PRKAA2: variants seen among roughly 807,000 people sequenced by gnomAD.
PRKAA2 encodes the protein protein kinase AMP-activated catalytic subunit alpha 2.
PRKAA2 carries 40 observed loss-of-function variants against 56.3 expected under a neutral mutation model. The ratio of observed to expected loss-of-function variants is 0.71; its 90% CI spans 0.55 to 0.92. The LOEUF is 0.92. PRKAA2 is among the 40% of genes least tolerant of loss of function. The pLI is 0.00. For synonymous variants in PRKAA2, 214 were observed against 234.2 expected (o/e 0.91, Z 0.79); for missense variants, 542 against 686.9 (o/e 0.79, Z 2.36).
At position 56,711,091 on chromosome 1, in the gene PRKAA2, A is replaced by G. The variant is rs374654656; in HGVS notation, c.*3378A>G. On this transcript the variant is annotated 3_prime_UTR_variant, in exon 9 of 9. Transcript: ENST00000371244. ...TTACATTCCTTTATACTAGCTATCTATAAAGAGAATCCAGAAGGCTAAATT... is the reference window on the plus strand; with the variant it reads ...TTACATTCCTTTATACTAGCTATCTGTAAAGAGAATCCAGAAGGCTAAATT... 1.8e-4 allele frequency: 27 copies of G among 152,260 alleles called. No individual in the cohort carries two copies. In the East Asian group the frequency reaches 3.7e-3, roughly 21 times the overall value. The allele number at this position is 152,260 out of a possible 1,614,324, so 9.4% of individuals were successfully genotyped here.
chr1:56,704,248 G>T lies in PRKAA2; in HGVS notation c.1066G>T (p.Ala356Ser), dbSNP rs141573879. The T allele has an allele frequency of 3.2e-4, 510 of 1,614,072 alleles. No homozygotes were observed. The highest frequency in any genetic ancestry group is 4.1e-4 in the Non-Finnish European group (478 of 1,179,996). The change falls in exon 7 of 9, where the codon GCC (alanine) becomes TCC (serine). Residue 356 changes from alanine to serine, a missense_variant. By Grantham distance (99) the Ala-to-Ser change is moderately conservative. Transcript: ENST00000371244. ...PPSGSFMDDSAMHIPPGLKPH... is the reference protein window; with the variant it reads ...PPSGSFMDDSSMHIPPGLKPH... The stretch of plus-strand genomic sequence containing the variant: ...ATCTGGTTCTTTTATGGATGATAGT[G>T]CCATGCATATTCCCCCAGGCCTGAA...
At position 56,712,858 on chromosome 1, in the gene PRKAA2, AC is replaced by A. The variant is rs977964005; in HGVS notation, c.*5146del. ...CAGCACAAGACTGTCTCAAAAAAAA[AC>A]AAAAAAAGGAAAAAGAAAACTAGCC... On this transcript the variant is annotated 3_prime_UTR_variant, in exon 9 of 9. Coordinates refer to ENST00000371244, the MANE Select transcript of PRKAA2 (RefSeq NM_006252.4). 2.6e-5 allele frequency: 4 copies of A among 152,066 alleles called. No homozygotes were observed. The highest frequency in any genetic ancestry group is 9.7e-5 in the African/African-American group (4 of 41,404). The allele number at this position is 152,066 out of a possible 1,614,324, so 9.4% of individuals were successfully genotyped here.
At chr1:56,676,824 G>C (rs1267738088) in intron 2 of PRKAA2, among the ~76,000 whole-genome samples, 3 of 152,152 alleles carry the variant, frequency 2.0e-5, no homozygotes, top group Non-Finnish European at 4.4e-5. Context: ...TTCAGAGCAG[G>C]CTTTTATGGG....
Position 56,704,070 on chromosome 1 carries a change from G to T in PRKAA2, c.888G>T (p.Val296=). 1.9e-6 allele frequency: 3 copies of T among 1,614,174 alleles called. No homozygotes were observed. The highest frequency in any genetic ancestry group is 2.5e-6 in the Non-Finnish European group (3 of 1,180,020). The change falls in exon 7 of 9, where the codon GTG becomes GTT. Residue 296 remains valine (V), a synonymous_variant. Coordinates refer to ENST00000371244, the MANE Select transcript of PRKAA2 (RefSeq NM_006252.4). ...NVIDDEAVKE[V]CEKFECTESE... ...TTGATGATGAGGCTGTGAAAGAAGT[G>T]TGTGAAAAATTTGAATGTACAGAAT...
In PRKAA2 at chr1:56,693,832, AC is replaced by A; in HGVS notation, c.545del (p.Pro182LeufsTer64). 1 of 1,594,810 alleles carries A rather than the reference AC, an allele frequency of 6.3e-7. No individual in the cohort carries two copies. Among genetic ancestry groups the A allele is most frequent in the Non-Finnish European group, 8.6e-7 (1 of 1,166,606 alleles). On this transcript the variant is annotated frameshift_variant, in exon 5 of 9. Coordinates refer to ENST00000371244, the MANE Select transcript of PRKAA2 (RefSeq NM_006252.4). LOFTEE classifies it high-confidence loss of function. Reference protein sequence around the residue: ...TSCGSPNYAAPEVISGRLYAG... With the variant: ...TSCGSPNYAAXEVISGRLYAG... The stretch of plus-strand genomic sequence containing the variant: ...GTTGCGGATCTCCAAATTATGCAGC[AC>A]CTGAAGTCATCTCAGGCAGGTAATA...
rs555654986 is a variant in PRKAA2 at position 56,658,864 on chromosome 1, G to A, written c.94+13383G>A. ...AAGCAATTCTTGTACCTCAGCCTCT[G>A]CAGTAGCTGGGACTCCAGGTATGCT... On this transcript the variant is annotated intron_variant, in intron 1 of 8. Coordinates refer to ENST00000371244, the MANE Select transcript of PRKAA2 (RefSeq NM_006252.4). Among the ~76,000 whole-genome samples, 173 of 151,882 alleles carry A rather than the reference G, an allele frequency of 1.1e-3. 1 individual carries two copies. In the Middle Eastern group the frequency reaches 0.014, roughly 12 times the overall value.
In PRKAA2 at chr1:56,712,154, A is replaced by G. The variant is rs1644372791; in HGVS notation, c.*4441A>G. ...GGTAACCAGAGAAAGCATTTTTGCC[A>G]TTTCCAGATGAGGAAGCAGGACCAG... On this transcript the variant is annotated 3_prime_UTR_variant, in exon 9 of 9. Coordinates refer to ENST00000371244, the MANE Select transcript of PRKAA2 (RefSeq NM_006252.4). 6.6e-6 allele frequency: 1 copy of G among 152,182 alleles called. No individual in the cohort carries two copies. The highest frequency in any genetic ancestry group is 2.1e-4 in the South Asian group (1 of 4,824). The allele number at this position is 152,182 out of a possible 1,614,324, so 9.4% of individuals were successfully genotyped here.
chr1:56,660,065 A>G (rs1038311610), intron 1 of PRKAA2, among the ~76,000 whole-genome samples: 7 of 152,194 alleles, frequency 4.6e-5, no homozygotes, highest in African/African-American at 1.4e-4. Flanking sequence ...TTCTTCATGT[A>G]TCATCATTAC....
At chr1:56,662,475 G>A (rs1475592583) in intron 1 of PRKAA2, among the ~76,000 whole-genome samples, 1 of 151,950 alleles carries the variant, frequency 6.6e-6, no homozygotes, top group Non-Finnish European at 1.5e-5. Context: ...TACAGACGAG[G>A]TCTCACTATG....
At chr1:56,664,895 T>C (rs375768391) in intron 1 of PRKAA2, among the ~76,000 whole-genome samples, 11 of 104,830 alleles carry the variant, frequency 1.0e-4, no homozygotes, top group East Asian at 8.4e-4. Context: ...CACACACATA[T>C]ATACATACAT....
At position 56,711,308 on chromosome 1, in the gene PRKAA2, A is replaced by C. The variant is rs980952051; in HGVS notation, c.*3595A>C. The stretch of plus-strand genomic sequence containing the variant: ...TTAAATGAGACATAGTTTAGAAAAA[A>C]TCATAAGCAACTATTGTAGATTTTT... On this transcript the variant is annotated 3_prime_UTR_variant, in exon 9 of 9. Transcript: ENST00000371244. 6.6e-6 allele frequency: 1 copy of C among 152,122 alleles called. No homozygotes were observed. The highest frequency in any genetic ancestry group is 2.4e-5 in the African/African-American group (1 of 41,444). The allele number at this position is 152,122 out of a possible 1,614,324, so 9.4% of individuals were successfully genotyped here.
chr1:56,703,831 G>A, intron 6 of PRKAA2, 140 bp from the exon 7 acceptor site: 1 of 913,860 alleles, frequency 1.1e-6, no homozygotes, highest in Non-Finnish European at 1.6e-6. Flanking sequence ...AACTTGCTCA[G>A]GATCACATAG....
chr1:56,678,964 G>A (rs891145400), intron 2 of PRKAA2, among the ~76,000 whole-genome samples: 1 of 152,144 alleles, frequency 6.6e-6, no homozygotes, highest in African/African-American at 2.4e-5. Context: ...AAAGTGCTGG[G>A]ATTACGGGCG....
chr1:56,695,558 C>A (rs1475730614), intron 5 of PRKAA2, among the ~76,000 whole-genome samples: 1 of 152,004 alleles, frequency 6.6e-6, no homozygotes, highest in Non-Finnish European at 1.5e-5. Flanking sequence ...TATATGTTTT[C>A]TTTCTTGTAA....
Position 56,709,377 on chromosome 1 carries a change from A to G in PRKAA2, c.*1664A>G, listed in dbSNP as rs778614668. Reference sequence around the variant, plus strand: ...TGATGTTAAATAACTTATAAGTCCAACTTCTTAATATCAAGATAAATGAAT... The same window carrying G: ...TGATGTTAAATAACTTATAAGTCCAGCTTCTTAATATCAAGATAAATGAAT... On this transcript the variant is annotated 3_prime_UTR_variant, in exon 9 of 9. Transcript: ENST00000371244. 44 of 152,206 alleles carry G rather than the reference A, an allele frequency of 2.9e-4. No homozygotes were observed. The highest frequency in any genetic ancestry group is 5.1e-4 in the Non-Finnish European group (35 of 68,024). 9.4% of individuals were successfully genotyped at this position (152,206 alleles called of 1,614,324 possible).
chr1:56,654,252 T>C (rs550395826), intron 1 of PRKAA2, among the ~76,000 whole-genome samples: 11 of 152,164 alleles, frequency 7.2e-5, no homozygotes, highest in Admixed American at 2.0e-4. Context: ...TTGCTTCTTT[T>C]TGTAAAAACA....
rs1644364870 is a variant in PRKAA2, at chr1:56,710,830, C to T, written c.*3117C>T. On this transcript the variant is annotated 3_prime_UTR_variant, in exon 9 of 9. Transcript: ENST00000371244. ...AGAGACTAATGACTCATGCTTATGGCTCAGTGGGTAATGAATCAGTGTCAC... is the reference window on the plus strand; with the variant it reads ...AGAGACTAATGACTCATGCTTATGGTTCAGTGGGTAATGAATCAGTGTCAC... The T allele has an allele frequency of 6.6e-6, 1 of 152,010 alleles. No homozygotes were observed. Among genetic ancestry groups the T allele is most frequent in the Non-Finnish European group, 1.5e-5 (1 of 67,962 alleles). 9.4% of individuals were successfully genotyped at this position (152,010 alleles called of 1,614,324 possible).
Position 56,693,817 on chromosome 1 carries a change from T to C in PRKAA2, c.528T>C (p.Ser176=). ...AATTTCTGAGAACTAGTTGCGGATC[T>C]CCAAATTATGCAGCACCTGAAGTCA... ...DGEFLRTSCG[S]PNYAAPEVIS... is the part of the protein sequence containing the mutation. The change falls in exon 5 of 9, where the codon TCT becomes TCC. Residue 176 remains serine (S), a synonymous_variant. Transcript: ENST00000371244. The C allele has an allele frequency of 6.2e-7, 1 of 1,600,668 alleles. No homozygotes were observed.
intron 1 of PRKAA2, among the ~76,000 whole-genome samples, chr1:56,647,056 G>T (rs1364837071): frequency 1.3e-5 from 2 of 152,184 alleles, no homozygotes; most frequent in African/African-American, 2.4e-5. Context: ...CAATAAGGTG[G>T]TCAGACAAGG....
Sources: gnomAD v4.1 joint callset for allele counts (sites outside exome capture counted in the v4.1 genomes callset) on GRCh38, gnomAD v4.1.1 for gene constraint, MANE v1.5 for transcripts, NCBI Gene and HGNC (gene_info 2026-07-23, HGNC 2026-07-21) for gene names.